RAB3B: variants seen among roughly 807,000 people sequenced by gnomAD.
RAB3B encodes the protein ras-related protein Rab-3B.
A neutral mutation model predicts 20.5 loss-of-function variants in RAB3B; 11 were observed. That is an observed-to-expected ratio of 0.54 (90% CI 0.34 to 0.89). The LOEUF is 0.89. Ranked by LOEUF, RAB3B falls within the 40% of genes least tolerant of loss-of-function variation. The pLI is 0.02. For synonymous variants in RAB3B, 99 were observed against 106.3 expected (o/e 0.93, Z 0.42); for missense variants, 225 against 280.9 (o/e 0.80, Z 1.42).
intron 2 of RAB3B, among the ~76,000 whole-genome samples, chr1:51,945,905 G>T (rs976127345): frequency 2.0e-5 from 3 of 152,224 alleles, no homozygotes; most frequent in Admixed American, 6.5e-5. Flanking sequence ...GGACTAGTTG[G>T]TTATTTTATC....
chr1:51,956,804 T>G (rs1349444701), intron 2 of RAB3B, among the ~76,000 whole-genome samples: 1 of 152,346 alleles, frequency 6.6e-6, no homozygotes, highest in East Asian at 1.9e-4. Flanking sequence ...CCAGGCACTG[T>G]GCTAATTCTT....
At chr1:51,922,436 C>G (rs1043682142) in intron 4 of RAB3B, among the ~76,000 whole-genome samples, 1 of 152,134 alleles carries the variant, frequency 6.6e-6, no homozygotes, top group African/African-American at 2.4e-5. Flanking sequence ...CCTAATTGCT[C>G]CCAGTCTCTG....
At chr1:51,925,962 C>G (rs868589657) in intron 4 of RAB3B, among the ~76,000 whole-genome samples, 9 of 152,192 alleles carry the variant, frequency 5.9e-5, no homozygotes, top group African/African-American at 2.2e-4. Flanking sequence ...AGGAGCAGCC[C>G]CTGCTGGGGG....
chr1:51,989,536 C>T (rs1359666074), intron 1 of RAB3B, among the ~76,000 whole-genome samples: 1 of 151,940 alleles, frequency 6.6e-6, no homozygotes, highest in Non-Finnish European at 1.5e-5. Context: ...CCACGACCCA[C>T]ACCTGGCCTC....
intron 2 of RAB3B, among the ~76,000 whole-genome samples, chr1:51,956,207 T>C (rs1684704884): frequency 6.6e-6 from 1 of 152,212 alleles, no homozygotes; most frequent in Admixed American, 6.5e-5. Flanking sequence ...ACTAGATTAC[T>C]TTTTTAAGGC....
intron 3 of RAB3B, 86 bp from the exon 4 acceptor site, chr1:51,933,528 C>A: frequency 1.5e-6 from 2 of 1,306,502 alleles, no homozygotes; most frequent in Admixed American, 2.0e-5. Context: ...CATGTTGAAG[C>A]CTAATCCCCA....
intron 4 of RAB3B, among the ~76,000 whole-genome samples, chr1:51,926,072 C>G (rs116314984): frequency 3.9e-4 from 59 of 152,186 alleles, no homozygotes; most frequent in African/African-American, 1.4e-3. Flanking sequence ...CAGAAGCTAC[C>G]ATCACAGGAG....
At chr1:51,971,003 T>A (rs1571976894) in intron 2 of RAB3B, among the ~76,000 whole-genome samples, 1 of 99,128 alleles carries the variant, frequency 1.0e-5, no homozygotes, top group Non-Finnish European at 1.8e-5. Flanking sequence ...AGAGCGAGAC[T>A]CCGTCTCAAA....
intron 2 of RAB3B, among the ~76,000 whole-genome samples, chr1:51,962,014 C>T (rs549432984): frequency 6.6e-6 from 1 of 152,250 alleles, no homozygotes; most frequent in Non-Finnish European, 1.5e-5. Flanking sequence ...TCAAATGATC[C>T]ACTTGCCTTG....
At chr1:51,935,512 T>C (rs1413709269) in intron 3 of RAB3B, among the ~76,000 whole-genome samples, 2 of 152,214 alleles carry the variant, frequency 1.3e-5, no homozygotes, top group Non-Finnish European at 2.9e-5. Context: ...CCCATGCTAC[T>C]CTTTCTTTCA....
At chr1:51,931,675 C>T (rs1298057007) in intron 4 of RAB3B, among the ~76,000 whole-genome samples, 2 of 151,450 alleles carry the variant, frequency 1.3e-5, no homozygotes, top group Non-Finnish European at 2.9e-5. Flanking sequence ...TGAGTGCATC[C>T]AACTGTGATG....
chr1:51,917,121 A>G lies in RAB3B; in HGVS notation c.*2806T>C, dbSNP rs1459578102. ...AACCTCTTTGTACCTTTGTTTCCTCATCTTCAAATGAGGCTCACTATAGTG... is the reference window on the plus strand; with the variant it reads ...AACCTCTTTGTACCTTTGTTTCCTCGTCTTCAAATGAGGCTCACTATAGTG... On this transcript the variant is annotated 3_prime_UTR_variant, in exon 5 of 5. Transcript: ENST00000371655. The G allele has an allele frequency of 6.6e-6, 1 of 152,152 alleles. No individual in the cohort carries two copies. Among genetic ancestry groups the G allele is most frequent in the Non-Finnish European group, 1.5e-5 (1 of 68,024 alleles). 9.4% of individuals were successfully genotyped at this position (152,152 alleles called of 1,614,324 possible).
rs1351770304 is a variant in RAB3B, at chr1:51,914,843, A to G, written c.*5084T>C. 1 of 152,212 alleles carries G rather than the reference A, an allele frequency of 6.6e-6. No homozygotes were observed. Among genetic ancestry groups the G allele is most frequent in the Non-Finnish European group, 1.5e-5 (1 of 68,054 alleles). 9.4% of individuals were successfully genotyped at this position (152,212 alleles called of 1,614,324 possible). A position where few individuals can be genotyped will look rare whatever the true frequency, so the allele number is the denominator to read the frequency against. ...CAAAGTCAAACAAACATTCCTCAGG[A>G]TACTCCAGAAAACTCGATATCCAAG... On this transcript the variant is annotated 3_prime_UTR_variant, in exon 5 of 5. Coordinates refer to ENST00000371655, the MANE Select transcript of RAB3B (RefSeq NM_002867.4).
At chr1:51,968,977 T>A (rs1216631237) in intron 2 of RAB3B, among the ~76,000 whole-genome samples, 13 of 152,218 alleles carry the variant, frequency 8.5e-5, no homozygotes, top group Non-Finnish European at 7.3e-5. Context: ...CCATGGTCAC[T>A]CTTATCTATG....
In RAB3B at chr1:51,969,875, T is replaced by C. The variant is rs1052433201; in HGVS notation, c.228+7015A>G. Reference sequence around the variant, plus strand: ...GATCCAACTAGAGGCCACTTACTGCTGGGTGCTGGTTGCACTCAGTCTCTA... The same window carrying C: ...GATCCAACTAGAGGCCACTTACTGCCGGGTGCTGGTTGCACTCAGTCTCTA... On this transcript the variant is annotated intron_variant, in intron 2 of 4. Coordinates refer to ENST00000371655, the MANE Select transcript of RAB3B (RefSeq NM_002867.4). Among the ~76,000 whole-genome samples, 5 of 152,050 alleles carry C rather than the reference T, an allele frequency of 3.3e-5. No homozygotes were observed. The East Asian group carries it at 7.7e-4, about 24-fold the overall frequency.
chr1:51,984,514 C>A (rs1685128902), intron 1 of RAB3B, among the ~76,000 whole-genome samples: 1 of 151,010 alleles, frequency 6.6e-6, no homozygotes, highest in Non-Finnish European at 1.5e-5. Flanking sequence ...CCTCAGCCTC[C>A]CAAGTAGCTG....
chr1:51,931,964 T>TGCTTATTGAC (rs1327018601), intron 4 of RAB3B, among the ~76,000 whole-genome samples: 2 of 152,220 alleles, frequency 1.3e-5, no homozygotes, highest in Admixed American at 6.5e-5. Flanking sequence ...GTGGGCTTCA[T>TGCTTATTGAC]CACTTGCTTA....
At chr1:51,950,985 GTGGTAAAAA>G (rs1684633178) in intron 2 of RAB3B, among the ~76,000 whole-genome samples, 1 of 152,174 alleles carries the variant, frequency 6.6e-6, no homozygotes, top group Admixed American at 6.5e-5. Context: ...AGGACTGAAA[GTGGTAAAAA>G]TGGTCCTTTG....
At chr1:51,974,049 C>T (rs1047889789) in intron 2 of RAB3B, among the ~76,000 whole-genome samples, 2 of 152,204 alleles carry the variant, frequency 1.3e-5, no homozygotes, top group African/African-American at 2.4e-5. Flanking sequence ...TTTCTGTTTG[C>T]TGTGGAAGAT....
Sources: allele counts gnomAD v4.1 joint callset (sites outside exome capture counted in the v4.1 genomes callset), GRCh38; gene constraint gnomAD v4.1.1; transcripts MANE v1.5; gene names NCBI Gene and HGNC (gene_info 2026-07-23, HGNC 2026-07-21).